Variants in KCNJ16 observed in about 807,000 individuals in gnomAD.
KCNJ16 encodes the protein potassium inwardly rectifying channel subfamily J member 16.
In KCNJ16, 15 loss-of-function variants were observed where a neutral mutation model predicts 18.5. The ratio of observed to expected loss-of-function variants is 0.81; its 90% confidence interval spans 0.54 to 1.25. The LOEUF (loss-of-function observed/expected upper bound fraction) is 1.25. Among genes scored for constraint, KCNJ16 ranks in the 50% most tolerant of loss-of-function variants. KCNJ16 has a pLI of 0.00. For synonymous variants in KCNJ16, 174 were observed against 186.5 expected (o/e 0.93, Z 0.55); for missense variants, 523 against 525.7 (o/e 0.99, Z 0.05).
chr17:70,115,048 T>C (rs79509077), intron 2 of KCNJ16, among the ~76,000 whole-genome samples: 16,238 of 152,212 alleles, frequency 0.11, 921 homozygotes, highest in East Asian at 0.17. Flanking sequence ...GGTGCAAACG[T>C]GCACAGTCTT....
At chr17:70,120,711 C>A (rs567909579) in intron 2 of KCNJ16, among the ~76,000 whole-genome samples, 1 of 152,244 alleles carries the variant, frequency 6.6e-6, no homozygotes, top group South Asian at 2.1e-4. Context: ...TGGTCGTGGT[C>A]ATGAAGACAG....
chr17:70,087,293 G>GT (rs1228070532), intron 1 of KCNJ16, among the ~76,000 whole-genome samples: 1 of 152,152 alleles, frequency 6.6e-6, no homozygotes, highest in African/African-American at 2.4e-5. Context: ...TGATGTTAGT[G>GT]TAAGACAGAT....
At chr17:70,121,245 C>T (rs2073626000) in intron 2 of KCNJ16, among the ~76,000 whole-genome samples, 1 of 152,214 alleles carries the variant, frequency 6.6e-6, no homozygotes, top group Admixed American at 6.5e-5. Context: ...TGTTGTCCCA[C>T]AGAAACTCCA....
intron 2 of KCNJ16, among the ~76,000 whole-genome samples, chr17:70,130,059 G>T (rs1258214261): frequency 2.6e-5 from 4 of 151,902 alleles, no homozygotes; most frequent in African/African-American, 9.7e-5. Context: ...GAACTAGGTT[G>T]GACACATTTA....
In KCNJ16 at chr17:70,134,659, C is replaced by T. The variant is rs890654664; in HGVS notation, c.*1315C>T. On this transcript the variant is annotated 3_prime_UTR_variant, in exon 4 of 4. Coordinates refer to ENST00000392671, the MANE Select transcript of KCNJ16 (RefSeq NM_170741.4). Reference sequence around the variant, plus strand: ...TTATAAATCAAAGAGATATTAGGAACATTCAGAATTATTTGTGTTTTGTTT... The same window carrying T: ...TTATAAATCAAAGAGATATTAGGAATATTCAGAATTATTTGTGTTTTGTTT... The T allele has an allele frequency of 1.2e-5, 2 of 167,022 alleles. No individual in the cohort carries two copies. The highest frequency in any genetic ancestry group is 4.8e-5 in the African/African-American group (2 of 41,464). The allele number at this position is 167,022 out of a possible 1,614,324, so 10.3% of individuals were successfully genotyped here.
intron 2 of KCNJ16, among the ~76,000 whole-genome samples, chr17:70,125,216 G>C (rs914155298): frequency 6.6e-6 from 1 of 151,716 alleles, no homozygotes; most frequent in Non-Finnish European, 1.5e-5. Context: ...GCTGCAGTGA[G>C]CTCGGATCAT....
chr17:70,080,569 T>C (rs2071510253), intron 1 of KCNJ16, among the ~76,000 whole-genome samples: 1 of 152,122 alleles, frequency 6.6e-6, no homozygotes, highest in Non-Finnish European at 1.5e-5. Flanking sequence ...TCATTTATCT[T>C]CTGCTTTGTA....
At chr17:70,081,537 A>G (rs978706002) in intron 1 of KCNJ16, among the ~76,000 whole-genome samples, 1 of 152,222 alleles carries the variant, frequency 6.6e-6, no homozygotes, top group African/African-American at 2.4e-5. Context: ...CAAGTACAAT[A>G]GAAATCAGGG....
At chr17:70,084,637 G>A (rs1384133880) in intron 1 of KCNJ16, among the ~76,000 whole-genome samples, 1 of 152,028 alleles carries the variant, frequency 6.6e-6, no homozygotes, top group African/African-American at 2.4e-5. Flanking sequence ...TAGAGCGGTG[G>A]TGCTGAATGG....
At chr17:70,119,998 T>C (rs2073567356) in intron 2 of KCNJ16, among the ~76,000 whole-genome samples, 1 of 152,224 alleles carries the variant, frequency 6.6e-6, no homozygotes, top group African/African-American at 2.4e-5. Context: ...ATTTAGGTCA[T>C]TTCTTTGCTC....
chr17:70,132,108 C>G lies in KCNJ16; in HGVS notation c.21C>G (p.Ser7Arg). ...AAAGAATGAGCTATTACGGCAGCAG[C>G]TATCATATTATCAATGCGGACGCAA... MSYYGS[S>R]YHIINADAKY... The change falls in exon 4 of 4, where the codon AGC (serine) becomes AGG (arginine). Residue 7 changes from serine to arginine, a missense_variant. Coordinates refer to ENST00000392671, the MANE Select transcript of KCNJ16 (RefSeq NM_170741.4). 1 of 1,614,210 alleles carries G rather than the reference C, an allele frequency of 6.2e-7. No individual in the cohort carries two copies. Among genetic ancestry groups the G allele is most frequent in the South Asian group, 1.1e-5 (1 of 91,092 alleles).
intron 2 of KCNJ16, among the ~76,000 whole-genome samples, chr17:70,123,722 A>G (rs189979302): frequency 6.6e-6 from 1 of 151,992 alleles, no homozygotes; most frequent in Admixed American, 6.6e-5. Flanking sequence ...AAAAAAAATT[A>G]TAATAATGAG....
At chr17:70,129,870 C>T (rs1308075157) in intron 2 of KCNJ16, among the ~76,000 whole-genome samples, 3 of 151,892 alleles carry the variant, frequency 2.0e-5, no homozygotes, top group Non-Finnish European at 4.4e-5. Flanking sequence ...CAAAATGATG[C>T]CAACTGAATG....
chr17:70,088,451 C>T (rs1399269262), intron 1 of KCNJ16, among the ~76,000 whole-genome samples: 1 of 152,196 alleles, frequency 6.6e-6, no homozygotes, highest in Non-Finnish European at 1.5e-5. Context: ...CGGTTCCTAA[C>T]AGGCCATGGA....
intron 1 of KCNJ16, among the ~76,000 whole-genome samples, chr17:70,090,610 T>G (rs186831876): frequency 2.2e-4 from 33 of 152,232 alleles, no homozygotes; most frequent in Middle Eastern, 3.4e-3. Context: ...AATTTTTGAT[T>G]TATCTACCCG....
chr17:70,123,088 T>C (rs973557777), intron 2 of KCNJ16, among the ~76,000 whole-genome samples: 4 of 152,206 alleles, frequency 2.6e-5, no homozygotes, highest in African/African-American at 9.7e-5. Context: ...TATCATGCAA[T>C]GCCCTTGGTT....
chr17:70,081,564 T>C (rs2143563783), intron 1 of KCNJ16, among the ~76,000 whole-genome samples: 1 of 152,304 alleles, frequency 6.6e-6, no homozygotes, highest in Non-Finnish European at 1.5e-5. Context: ...TTTTATGCAT[T>C]ATATTTCTAT....
chr17:70,107,899 C>T (rs1168121816), intron 2 of KCNJ16, among the ~76,000 whole-genome samples: 1 of 151,960 alleles, frequency 6.6e-6, no homozygotes, highest in Non-Finnish European at 1.5e-5. Flanking sequence ...GTTCAACCAC[C>T]TAGCAAACTC....
At chr17:70,098,312 T>C (rs1470732760) in intron 1 of KCNJ16, among the ~76,000 whole-genome samples, 3 of 152,138 alleles carry the variant, frequency 2.0e-5, no homozygotes, top group South Asian at 2.1e-4. Flanking sequence ...TATTCGTGCT[T>C]TGAAGAATTT....
Sources: allele counts gnomAD v4.1 joint callset (sites outside exome capture counted in the v4.1 genomes callset), GRCh38; gene constraint gnomAD v4.1.1; transcripts MANE v1.5; gene names NCBI Gene and HGNC (gene_info 2026-07-23, HGNC 2026-07-21).